The following LRP2BP variants were observed in gnomAD, a reference collection of about 807,000 sequenced individuals.
LRP2BP encodes LRP2 binding protein, also known as LRP2-binding protein.
Under a neutral mutation model 45.2 loss-of-function variants are expected in LRP2BP, and 38 were observed. The observed-to-expected ratio is 0.84, with a 90% CI of 0.65 to 1.10. The LOEUF is 1.10. Ranked by LOEUF, LRP2BP falls within the 50% of genes least tolerant of loss-of-function variation. The pLI, the probability that LRP2BP is intolerant of heterozygous loss-of-function variation, is 0.00. For synonymous variants in LRP2BP, 153 were observed against 153.9 expected, an observed-to-expected ratio of 0.99 and a Z score of 0.04; for missense variants, 385 against 418.9, an observed-to-expected ratio of 0.92 and a Z score of 0.71.
Position 185,366,941 on chromosome 4 carries a change from C to T in LRP2BP, c.*239G>A. On this transcript the variant is annotated 3_prime_UTR_variant, in exon 9 of 9. Coordinates refer to ENST00000505916, the MANE Select transcript of LRP2BP (RefSeq NM_001377440.1). Reference sequence around the variant, plus strand: ...GTTTTAATACTTGATATGGTCTCGGCCAGTCTGTAGGGTAAGAGGTGGACC... The same window carrying T: ...GTTTTAATACTTGATATGGTCTCGGTCAGTCTGTAGGGTAAGAGGTGGACC... 1 of 400,714 alleles carries T rather than the reference C, an allele frequency of 2.5e-6. No individual in the cohort carries two copies. 24.8% of individuals were successfully genotyped at this position (400,714 alleles called of 1,614,324 possible). A position where few individuals can be genotyped will look rare whatever the true frequency, so the allele number is the denominator to read the frequency against.
At chr4:185,387,824 C>G (rs953273183) in intron 1 of LRP2BP, among the ~76,000 whole-genome samples, 5 of 152,228 alleles carry the variant, frequency 3.3e-5, no homozygotes, top group Non-Finnish European at 7.3e-5. Context: ...AGCCAGCCCC[C>G]AGCCCCGGGC....
At chr4:185,387,977 G>C (rs1044143300) in intron 1 of LRP2BP, among the ~76,000 whole-genome samples, 1 of 152,192 alleles carries the variant, frequency 6.6e-6, no homozygotes, top group Non-Finnish European at 1.5e-5. Context: ...GCTGTGTGAC[G>C]AGCCCTCGAC....
At chr4:185,388,973 T>C (rs2095480265) in intron 1 of LRP2BP, among the ~76,000 whole-genome samples, 1 of 151,950 alleles carries the variant, frequency 6.6e-6, no homozygotes, top group African/African-American at 2.4e-5. Context: ...CCTCCTGGAT[T>C]CAAGCAATTC....
upstream of LRP2BP, chr4:185,397,004 A>C: frequency 6.2e-7 from 1 of 1,611,726 alleles, no homozygotes; most frequent in Non-Finnish European, 8.5e-7. Flanking sequence ...TCAAGCTTCT[A>C]GATTCGTCTT....
intron 7 of LRP2BP, among the ~76,000 whole-genome samples, chr4:185,371,340 C>G (rs377404249): frequency 6.6e-6 from 1 of 151,916 alleles, no homozygotes; most frequent in Non-Finnish European, 1.5e-5. Context: ...GAGATTGAGA[C>G]CATCCTGGCT....
At chr4:185,369,767 G>A (rs1261851748) in intron 8 of LRP2BP, 2 of 446,208 alleles carry the variant, frequency 4.5e-6, no homozygotes, top group Non-Finnish European at 9.0e-6. Flanking sequence ...CAACAAATAC[G>A]CTTCTGTCTC....
chr4:185,388,490 ACCT>A (rs2095478584), intron 1 of LRP2BP, among the ~76,000 whole-genome samples: 1 of 152,144 alleles, frequency 6.6e-6, no homozygotes, highest in Non-Finnish European at 1.5e-5. Flanking sequence ...TAGCCTGCCT[ACCT>A]ATCAGGCCTA....
Position 185,395,063 on chromosome 4 carries a change from C to T in LRP2BP, c.-306G>A, listed in dbSNP as rs1017809800. 2.0e-6 allele frequency: 2 copies of T among 982,570 alleles called. No homozygotes were observed. The highest frequency in any genetic ancestry group is 2.4e-6 in the Non-Finnish European group (2 of 829,332). The allele number at this position is 982,570 out of a possible 1,614,324, so 60.9% of individuals were successfully genotyped here. ...TAGTTTCTAGGCCCATTACTAAAGT[C>T]AAGTCAGATATCCAGCTGAGATACA... On this transcript the variant is annotated 5_prime_UTR_variant, in exon 1 of 9. Transcript: ENST00000505916.
At position 185,365,738 on chromosome 4, in the gene LRP2BP, G is replaced by C. The variant is rs1464603449; in HGVS notation, c.*1442C>G. ...ATAATCTTTAGGAACTGGATTAAGT[G>C]TGGAGAAGAGAATACTAGTTGGGAA... On this transcript the variant is annotated 3_prime_UTR_variant, in exon 9 of 9. Transcript: ENST00000505916. The C allele has an allele frequency of 2.0e-5, 3 of 151,506 alleles. No individual in the cohort carries two copies. The highest frequency in any genetic ancestry group is 7.3e-5 in the African/African-American group (3 of 41,272). 9.4% of individuals were successfully genotyped at this position (151,506 alleles called of 1,614,324 possible).
At chr4:185,374,263 T>G in intron 5 of LRP2BP, 23 bp from the exon 6 acceptor site, 1 of 1,614,126 alleles carries the variant, frequency 6.2e-7, no homozygotes, top group Non-Finnish European at 8.5e-7. Context: ...GTGAGGCATG[T>G]TATTCTCGGT....
At chr4:185,379,062 G>GA (rs571813632) in intron 1 of LRP2BP, 45 of 714,346 alleles carry the variant, frequency 6.3e-5, no homozygotes, top group Admixed American at 1.9e-4. Flanking sequence ...TTTAGTAGGG[G>GA]AAAAAAATCA....
upstream of LRP2BP, chr4:185,396,782 C>T (rs919495355): frequency 6.6e-6 from 6 of 902,802 alleles, no homozygotes; most frequent in Non-Finnish European, 1.1e-5. Context: ...GGCGCGGCTG[C>T]CAAGGGCCGG....
rs759626297 is a variant in LRP2BP at position 185,375,724 on chromosome 4, T to A, written c.219A>T (p.Gly73=). Residue 73 remains glycine, a splice_region_variant and synonymous_variant, in exon 4 of 9, where the codon GGA becomes GGT. Coordinates refer to ENST00000505916, the MANE Select transcript of LRP2BP (RefSeq NM_001377440.1). ...FLRGQLYFEE[G]WYEEALEQFE... ...ACTGTTCTAATGCTTCTTCATACCA[T>A]CCCTAGAAGCACCCAGAAGATATTT... The A allele has an allele frequency of 1.3e-6, 2 of 1,585,694 alleles. No homozygotes were observed. Among genetic ancestry groups the A allele is most frequent in the Non-Finnish European group, 1.7e-6 (2 of 1,157,750 alleles).
intron 1 of LRP2BP, among the ~76,000 whole-genome samples, chr4:185,380,455 T>G (rs886397837): frequency 4.6e-5 from 7 of 152,106 alleles, no homozygotes; most frequent in Admixed American, 4.6e-4. Flanking sequence ...TCTGGTGGTT[T>G]CTGGTGATGT....
At chr4:185,382,920 CCT>C (rs1445554292) in intron 1 of LRP2BP, among the ~76,000 whole-genome samples, 2 of 152,142 alleles carry the variant, frequency 1.3e-5, no homozygotes, top group Non-Finnish European at 2.9e-5. Context: ...AAAGTTTACC[CCT>C]GTGCCTTCTT....
chr4:185,385,438 T>C (rs570746543), intron 1 of LRP2BP, among the ~76,000 whole-genome samples: 3 of 152,224 alleles, frequency 2.0e-5, no homozygotes, highest in Admixed American at 1.3e-4. Flanking sequence ...GCAAAGAGAA[T>C]TGAAAAAAAT....
chr4:185,387,754 A>G (rs1011175101), intron 1 of LRP2BP, among the ~76,000 whole-genome samples: 3 of 152,138 alleles, frequency 2.0e-5, no homozygotes, highest in Admixed American at 6.5e-5. Context: ...CAAGGTCCCC[A>G]CCCCGCTGGA....
At chr4:185,367,358 T>A (rs1434695096) in intron 8 of LRP2BP, 113 bp from the exon 9 acceptor site, 1 of 895,524 alleles carries the variant, frequency 1.1e-6, no homozygotes, top group Non-Finnish European at 1.7e-6. Context: ...TACAGTGAAT[T>A]TCAAGAAAAT....
At position 185,385,911 on chromosome 4, in the gene LRP2BP, G is replaced by GGC. The variant is rs1554020227; in HGVS notation, c.-21-7705_-21-7704insGC. 2.8e-5 allele frequency among the ~76,000 whole-genome samples: 4 copies of GGC among 143,922 alleles called. 1 individual carries two copies. Among genetic ancestry groups the GGC allele is most frequent in the East Asian group, 2.0e-4 (1 of 4,984 alleles). The allele number at this position is 143,922 out of a possible 152,430, so 94.4% of individuals were successfully genotyped here. A position where few individuals can be genotyped will look rare whatever the true frequency, so the allele number is the denominator to read the frequency against. ...GCAAGACTCTGTCTCGGGGAGGGGG[G>GGC]GGGGGAGATAAAGAAATAACATCAT... On this transcript the variant is annotated intron_variant, in intron 1 of 8. Transcript: ENST00000505916.
Sources: gnomAD v4.1 joint callset for allele counts (sites outside exome capture counted in the v4.1 genomes callset) on GRCh38, gnomAD v4.1.1 for gene constraint, MANE v1.5 for transcripts, NCBI Gene and HGNC (gene_info 2026-07-23, HGNC 2026-07-21) for gene names.